VAV3: variants seen among roughly 807,000 people sequenced by gnomAD.
VAV3 encodes guanine nucleotide exchange factor VAV3.
In VAV3, 94 loss-of-function variants were observed where a neutral mutation model predicts 131.2. That is an observed-to-expected ratio of 0.72 (90% CI 0.61 to 0.85). The LOEUF is 0.85. Among genes scored for constraint, VAV3 ranks in the 40% least tolerant of loss-of-function variants. VAV3 has a pLI of 0.00. For synonymous variants in VAV3, 349 were observed against 342.0 expected (o/e 1.02, Z -0.22); for missense variants, 939 against 1,002.7 (o/e 0.94, Z 0.86).
chr1:107,773,170 G>A (rs1287542102), intron 4 of VAV3, among the ~76,000 whole-genome samples: 1 of 152,184 alleles, frequency 6.6e-6, no homozygotes, highest in African/African-American at 2.4e-5. Flanking sequence ...CCATTAAAGA[G>A]ATGAGGAAGT....
chr1:107,672,852 C>T (rs989247366), intron 19 of VAV3, among the ~76,000 whole-genome samples: 1 of 152,150 alleles, frequency 6.6e-6, no homozygotes, highest in African/African-American at 2.4e-5. Flanking sequence ...ATTTTCCTAT[C>T]TAATGACTTA....
At chr1:107,875,686 T>C (rs1020196743) in intron 1 of VAV3, among the ~76,000 whole-genome samples, 5 of 152,174 alleles carry the variant, frequency 3.3e-5, no homozygotes, top group Non-Finnish European at 7.4e-5. Context: ...ATTGGAGGCC[T>C]TGGCCAAAAG....
intron 9 of VAV3, among the ~76,000 whole-genome samples, chr1:107,762,355 T>A (rs2102138372): frequency 6.6e-6 from 1 of 152,330 alleles, no homozygotes; most frequent in South Asian, 2.1e-4. Flanking sequence ...TTAACTCTAA[T>A]GATCCGTGAC....
chr1:107,731,860 T>TA (rs1394739616), intron 15 of VAV3, among the ~76,000 whole-genome samples: 1 of 152,238 alleles, frequency 6.6e-6, no homozygotes, highest in Non-Finnish European at 1.5e-5. Context: ...TTTTGACCAT[T>TA]ATGAAAAGGT....
intron 2 of VAV3, among the ~76,000 whole-genome samples, chr1:107,786,467 G>A (rs779696110): frequency 8.5e-5 from 13 of 152,166 alleles, no homozygotes; most frequent in African/African-American, 2.2e-4. Flanking sequence ...CCTTACCTAC[G>A]AAATTACAAT....
At chr1:107,631,092 TA>T (rs1654436281) in intron 20 of VAV3, among the ~76,000 whole-genome samples, 1 of 152,138 alleles carries the variant, frequency 6.6e-6, no homozygotes, top group African/African-American at 2.4e-5. Context: ...AATCATACAC[TA>T]ATTTGTCAAA....
chr1:107,605,096 A>G (rs1652164678), intron 22 of VAV3, among the ~76,000 whole-genome samples: 1 of 152,200 alleles, frequency 6.6e-6, no homozygotes. Flanking sequence ...GCCCTCCAAA[A>G]TAAAATTGCT....
intron 15 of VAV3, among the ~76,000 whole-genome samples, chr1:107,728,874 T>C (rs1662042524): frequency 6.6e-6 from 1 of 152,182 alleles, no homozygotes; most frequent in Non-Finnish European, 1.5e-5. Flanking sequence ...TACTCTCCTG[T>C]CTTGAAGGAT....
chr1:107,627,816 AT>A (rs1654142315), intron 20 of VAV3, among the ~76,000 whole-genome samples: 2 of 152,228 alleles, frequency 1.3e-5, no homozygotes, highest in South Asian at 4.1e-4. Flanking sequence ...AAATGACATC[AT>A]AAAGTATAAT....
intron 1 of VAV3, among the ~76,000 whole-genome samples, chr1:107,922,964 GAAA>G (rs67666662): frequency 3.0e-5 from 4 of 134,580 alleles, no homozygotes; most frequent in Admixed American, 7.5e-5. Context: ...AAAAAAAAAA[GAAA>G]AAAAAAAAAA....
chr1:107,590,450 T>C (rs1462323503), intron 25 of VAV3, among the ~76,000 whole-genome samples: 4 of 142,636 alleles, frequency 2.8e-5, no homozygotes, highest in African/African-American at 9.9e-5. Flanking sequence ...AAATTAAGCC[T>C]ATATACAAAT....
intron 10 of VAV3, among the ~76,000 whole-genome samples, chr1:107,760,021 A>G (rs1267775278): frequency 6.6e-6 from 1 of 152,202 alleles, no homozygotes; most frequent in Non-Finnish European, 1.5e-5. Flanking sequence ...ATTTCTCAGT[A>G]GAACAAAAAT....
Position 107,896,149 on chromosome 1 carries a change from C to T in VAV3, c.205-21132G>A, listed in dbSNP as rs1671560992. ...TTCAATTTAGGCAGCCAGAGCACTG[C>T]AGAACCATGGAGCCATTTCTGTAAC... On this transcript the variant is annotated intron_variant, in intron 1 of 26. Coordinates refer to ENST00000370056, the MANE Select transcript of VAV3 (RefSeq NM_006113.5). Among the ~76,000 whole-genome samples the T allele has an allele frequency of 2.0e-5, 3 of 152,206 alleles. No individual in the cohort carries two copies. In the South Asian group the frequency reaches 6.2e-4, roughly 32 times the overall value.
chr1:107,937,363 T>C (rs1392404248), intron 1 of VAV3, among the ~76,000 whole-genome samples: 5 of 152,220 alleles, frequency 3.3e-5, no homozygotes, highest in Admixed American at 3.3e-4. Context: ...CTGCAGCAGC[T>C]GTAACATCAG....
At chr1:107,907,438 G>A (rs1002083947) in intron 1 of VAV3, among the ~76,000 whole-genome samples, 4 of 152,068 alleles carry the variant, frequency 2.6e-5, no homozygotes, top group African/African-American at 7.3e-5. Flanking sequence ...TAAGATATAT[G>A]TATAACTGCT....
rs1179032621 is a variant in VAV3, at chr1:107,805,641, G to C, written c.322-26149C>G. On this transcript the variant is annotated intron_variant, in intron 2 of 26. Coordinates refer to ENST00000370056, the MANE Select transcript of VAV3 (RefSeq NM_006113.5). ...TTGTTCAGAGAGCTCACATATTGCT[G>C]TTTCATTAGGTTTGGTCACTGGTTC... Among the ~76,000 whole-genome samples the C allele has an allele frequency of 3.9e-5, 6 of 152,148 alleles. No homozygotes were observed. The East Asian group carries it at 1.2e-3, about 29-fold the overall frequency.
intron 2 of VAV3, among the ~76,000 whole-genome samples, chr1:107,787,648 CT>C (rs1230119859): frequency 1.3e-5 from 2 of 152,182 alleles, no homozygotes; most frequent in Non-Finnish European, 2.9e-5. Flanking sequence ...AGTGAGAATA[CT>C]TGTGTATTCT....
chr1:107,761,755 T>C lies in VAV3; in HGVS notation c.922-876A>G, dbSNP rs561386578. Among the ~76,000 whole-genome samples, 235 of 152,350 alleles carry C rather than the reference T, an allele frequency of 1.5e-3. 3 individuals are homozygous for C. Among genetic ancestry groups the C allele is most frequent in the African/African-American group, 5.3e-3 (219 of 41,576 alleles). On this transcript the variant is annotated intron_variant, in intron 9 of 26. Coordinates refer to ENST00000370056, the MANE Select transcript of VAV3 (RefSeq NM_006113.5). The stretch of plus-strand genomic sequence containing the variant: ...TTTAATTATTATCATATGTAATATC[T>C]ACTCCAATATGATTTGTGCTGTATG...
chr1:107,805,574 T>C (rs1667022215), intron 2 of VAV3, among the ~76,000 whole-genome samples: 1 of 152,204 alleles, frequency 6.6e-6, no homozygotes, highest in African/African-American at 2.4e-5. Flanking sequence ...CTGTGTTATC[T>C]TGGAGATGAC....
Sources: gnomAD v4.1 joint callset for allele counts (sites outside exome capture counted in the v4.1 genomes callset) on GRCh38, gnomAD v4.1.1 for gene constraint, MANE v1.5 for transcripts, NCBI Gene and HGNC (gene_info 2026-07-23, HGNC 2026-07-21) for gene names.